The following ARHGEF33 variants were observed in gnomAD, a reference collection of about 807,000 sequenced individuals.
ARHGEF33 encodes the protein DH and coiled-coil domain-containing protein ENSP00000381780.
In ARHGEF33, 72 loss-of-function variants were observed where a neutral mutation model predicts 101.9. The ratio of observed to expected loss-of-function variants is 0.71; its 90% CI spans 0.58 to 0.86. The LOEUF (loss-of-function observed/expected upper bound fraction) is 0.86. Among genes scored for constraint, ARHGEF33 ranks in the 40% least tolerant of loss-of-function variants. ARHGEF33 has a pLI of 0.00. For missense variants in ARHGEF33, 1,169 were observed against 1,111.3 expected (o/e 1.05, Z -0.74); for synonymous variants, 499 against 442.5 (o/e 1.13, Z -1.60).
chr2:38,948,829 T>G (rs530706539), intron 10 of ARHGEF33, among the ~76,000 whole-genome samples: 1 of 152,292 alleles, frequency 6.6e-6, no homozygotes, highest in South Asian at 2.1e-4. Context: ...CAATCAGTTG[T>G]GTTTTTCTCC....
chr2:38,913,752 G>C (rs1490065260), intron 2 of ARHGEF33, among the ~76,000 whole-genome samples: 2 of 150,998 alleles, frequency 1.3e-5, no homozygotes, highest in Non-Finnish European at 2.9e-5. Flanking sequence ...CTGGGGGACA[G>C]AGTAAGACTC....
chr2:38,958,839 G>A (rs1017608300), intron 15 of ARHGEF33, among the ~76,000 whole-genome samples: 8 of 152,184 alleles, frequency 5.3e-5, no homozygotes, highest in African/African-American at 1.9e-4. Context: ...CTGCCACCAT[G>A]CCCGGCTAAT....
At chr2:38,920,865 A>G (rs1303640354) in intron 3 of ARHGEF33, among the ~76,000 whole-genome samples, 1 of 152,186 alleles carries the variant, frequency 6.6e-6, no homozygotes, top group Non-Finnish European at 1.5e-5. Context: ...GAGGACAGCA[A>G]GATTCCCTTA....
chr2:38,942,164 C>CT (rs35282727), intron 9 of ARHGEF33, among the ~76,000 whole-genome samples: 4,057 of 107,340 alleles, frequency 0.038, 177 homozygotes, highest in Non-Finnish European at 0.047. Context: ...TCTCTCCTTT[C>CT]TTTTTTTTTT....
chr2:38,932,420 C>A (rs546644786), intron 7 of ARHGEF33, among the ~76,000 whole-genome samples: 2 of 149,746 alleles, frequency 1.3e-5, no homozygotes, highest in Non-Finnish European at 3.0e-5. Flanking sequence ...AGCCACCGTG[C>A]CCGGCTTGCC....
chr2:38,939,042 G>A (rs917870621), intron 9 of ARHGEF33, among the ~76,000 whole-genome samples: 1 of 151,970 alleles, frequency 6.6e-6, no homozygotes, highest in African/African-American at 2.4e-5. Context: ...TCGTGATCTT[G>A]GCTCCCTGCA....
chr2:38,951,243 T>C (rs1245978653), intron 11 of ARHGEF33, 122 bp downstream of exon 11: 6 of 908,088 alleles, frequency 6.6e-6, no homozygotes, highest in Non-Finnish European at 9.8e-6. Flanking sequence ...TGAGATCTAG[T>C]CTAACTTTCT....
intron 6 of ARHGEF33, among the ~76,000 whole-genome samples, chr2:38,930,565 T>A (rs537000556): frequency 2.0e-5 from 3 of 152,268 alleles, no homozygotes; most frequent in Non-Finnish European, 4.4e-5. Context: ...AGGCTGGTCT[T>A]GAACTCCTGG....
intron 7 of ARHGEF33, among the ~76,000 whole-genome samples, chr2:38,934,095 G>T (rs192714533): frequency 2.0e-5 from 3 of 152,088 alleles, no homozygotes; most frequent in African/African-American, 7.2e-5. Context: ...TTTATTATCC[G>T]TCTCTTCTTT....
intron 1 of ARHGEF33, among the ~76,000 whole-genome samples, chr2:38,890,326 A>T (rs1193392939): frequency 1.3e-5 from 2 of 152,218 alleles, no homozygotes; most frequent in African/African-American, 4.8e-5. Context: ...AGACAGCGTA[A>T]ATCTGACATG....
intron 10 of ARHGEF33, among the ~76,000 whole-genome samples, chr2:38,949,153 A>AT (rs1448576825): frequency 6.6e-6 from 1 of 151,796 alleles, no homozygotes; most frequent in African/African-American, 2.4e-5. Context: ...GTTGAAAAAA[A>AT]CCTCCTCTCG....
intron 9 of ARHGEF33, among the ~76,000 whole-genome samples, chr2:38,942,503 TTTC>T (rs1667340551): frequency 6.6e-6 from 1 of 150,968 alleles, no homozygotes; most frequent in African/African-American, 2.4e-5. Context: ...GGAGATTTCT[TTTC>T]TTCATCTTCT....
At chr2:38,898,559 A>G (rs1666170412) in intron 2 of ARHGEF33, among the ~76,000 whole-genome samples, 1 of 152,198 alleles carries the variant, frequency 6.6e-6, no homozygotes. Flanking sequence ...TCTCTATATT[A>G]AGCACGTATT....
chr2:38,961,736 A>C (rs1468039080), intron 16 of ARHGEF33, among the ~76,000 whole-genome samples: 1 of 152,110 alleles, frequency 6.6e-6, no homozygotes, highest in African/African-American at 2.4e-5. Context: ...AGACACAGGA[A>C]CACAGAATTA....
intron 13 of ARHGEF33, among the ~76,000 whole-genome samples, chr2:38,955,826 A>G (rs903038141): frequency 1.3e-5 from 2 of 151,730 alleles, no homozygotes; most frequent in African/African-American, 4.8e-5. Context: ...ACAGGCGCCC[A>G]CCACCACACC....
intron 11 of ARHGEF33, 127 bp from the exon 12 acceptor site, chr2:38,953,035 T>A (rs182630856): frequency 1.6e-6 from 1 of 612,632 alleles, no homozygotes; most frequent in Admixed American, 2.8e-5. Flanking sequence ...ATATATAAAA[T>A]GAAGAACATA....
rs746169673 is a variant in ARHGEF33 at position 38,960,115 on chromosome 2, G to A, written c.1810G>A (p.Asp604Asn). 3.9e-6 allele frequency: 6 copies of A among 1,542,084 alleles called. No homozygotes were observed. The highest frequency in any genetic ancestry group is 5.2e-6 in the Non-Finnish European group (6 of 1,145,308). ...GCGCGCCCCGGCCGAGCTCCTGCCCGATGCCCGCGGCTTCGTGCCCGCGGC... is the reference window on the plus strand; with the variant it reads ...GCGCGCCCCGGCCGAGCTCCTGCCCAATGCCCGCGGCTTCGTGCCCGCGGC... ...SLRAPAELLPDARGFVPAAYE... is the reference protein window; with the variant it reads ...SLRAPAELLPNARGFVPAAYE... Residue 604 changes from aspartate (D) to asparagine (N), a missense_variant, in exon 16 of 18, where the codon GAT (aspartate) becomes AAT (asparagine). Coordinates refer to ENST00000409978, the MANE Select transcript of ARHGEF33 (RefSeq NM_001145451.5).
At chr2:38,927,421 C>T (rs1056233810) in intron 4 of ARHGEF33, among the ~76,000 whole-genome samples, 20 of 152,206 alleles carry the variant, frequency 1.3e-4, no homozygotes, top group African/African-American at 4.8e-4. Flanking sequence ...TGAGGCCGGG[C>T]ACAGTGGCTC....
chr2:38,940,736 T>C (rs1667283683), intron 9 of ARHGEF33, among the ~76,000 whole-genome samples: 1 of 152,188 alleles, frequency 6.6e-6, no homozygotes, highest in Non-Finnish European at 1.5e-5. Context: ...TGTATTGCAA[T>C]TGAGAAAAAG....
Sources: allele counts gnomAD v4.1 joint callset (sites outside exome capture counted in the v4.1 genomes callset), GRCh38; gene constraint gnomAD v4.1.1; transcripts MANE v1.5; gene names NCBI Gene and HGNC (gene_info 2026-07-23, HGNC 2026-07-21).